Variants in SCIMP observed in about 807,000 individuals in gnomAD.
The protein encoded by SCIMP is SLP adaptor and CSK interacting membrane protein.
In SCIMP, 18 loss-of-function variants were observed where a neutral mutation model predicts 22.0. That is an observed-to-expected ratio of 0.82 (90% CI 0.56 to 1.21). The LOEUF is 1.21. SCIMP is among the 50% of genes most tolerant of loss of function. SCIMP has a pLI of 0.00. For synonymous variants in SCIMP, 53 were observed against 62.2 expected, an observed-to-expected ratio of 0.85 and a Z score of 0.70; for missense variants, 155 against 171.2, an observed-to-expected ratio of 0.91 and a Z score of 0.53.
chr17:5,221,372 C>A, intron 2 of SCIMP, 22 bp from the exon 3 acceptor site: 1 of 1,590,830 alleles, frequency 6.3e-7, no homozygotes, highest in Non-Finnish European at 8.6e-7. Context: ...AAAGCATGTT[C>A]ATTGAAGAAG....
intron 3 of SCIMP, 77 bp downstream of exon 3, chr17:5,221,210 C>T (rs747208413): frequency 1.7e-5 from 17 of 1,023,572 alleles, no homozygotes; most frequent in African/African-American, 6.3e-5. Context: ...CATACTGGTA[C>T]GGTAGTGGAG....
chr17:5,219,138 C>T (rs945716597), intron 3 of SCIMP, among the ~76,000 whole-genome samples: 6 of 150,342 alleles, frequency 4.0e-5, no homozygotes, highest in African/African-American at 1.2e-4. Context: ...GCCAACATAG[C>T]GAAACCCCGT....
At chr17:5,221,070 AAG>A (rs746732086) in intron 3 of SCIMP, 161 of 635,370 alleles carry the variant, frequency 2.5e-4, no homozygotes, top group East Asian at 1.0e-3. Flanking sequence ...AAAAAAAAAA[AAG>A]AGAGAGAGAG....
intron 2 of SCIMP, among the ~76,000 whole-genome samples, chr17:5,222,872 C>T (rs1429856403): frequency 6.6e-6 from 1 of 151,968 alleles, no homozygotes; most frequent in Non-Finnish European, 1.5e-5. Flanking sequence ...GCCATTTTGG[C>T]CAGGCTAGTC....
At chr17:5,226,770 A>C (rs547183114) in intron 1 of SCIMP, among the ~76,000 whole-genome samples, 1 of 152,026 alleles carries the variant, frequency 6.6e-6, no homozygotes, top group African/African-American at 2.4e-5. Context: ...CAGCCTCCCA[A>C]AGTGCTGGGA....
In SCIMP at chr17:5,211,283, A is replaced by T. The variant is rs541985632; in HGVS notation, c.284-328T>A. On this transcript the variant is annotated intron_variant, in intron 4 of 4. Transcript: ENST00000574081. ...ACACCTGTAGTCCCAGTACTCTGGG[A>T]GGCCCAGGTGGGAGGATCACTTGAG... is the stretch of plus-strand genomic sequence containing the variant. Among the ~76,000 whole-genome samples, 8 of 152,314 alleles carry T rather than the reference A, an allele frequency of 5.3e-5. No individual in the cohort carries two copies. In the South Asian group the frequency reaches 1.7e-3, roughly 32 times the overall value.
Position 5,223,336 on chromosome 17 carries a change from G to A in SCIMP, c.142C>T (p.Arg48Ter), listed in dbSNP as rs771928005. 8.1e-6 allele frequency: 13 copies of A among 1,613,532 alleles called. No individual in the cohort carries two copies. The highest frequency in any genetic ancestry group is 6.7e-5 in the Admixed American group (4 of 59,830). Residue 48 changes from arginine to a stop codon, truncating the protein, a stop_gained, in exon 2 of 5, where the codon CGA (arginine) becomes TGA (stop). Transcript: ENST00000574081. LOFTEE classifies it high-confidence loss of function. Reference protein sequence around the residue: ...LYCVCKWQLRRGKKWEIAKPL... With the variant: ...LYCVCKWQLR Reference sequence around the variant, plus strand: ...GCCTAGGTAAAATGGCCATTACCTCGTCTAAGCTGCCACTTACAGACACAG... The same window carrying A: ...GCCTAGGTAAAATGGCCATTACCTCATCTAAGCTGCCACTTACAGACACAG...
Position 5,210,651 on chromosome 17 carries a change from G to A in SCIMP, c.*150C>T. 5 of 1,038,748 alleles carry A rather than the reference G, an allele frequency of 4.8e-6. No homozygotes were observed. The highest frequency in any genetic ancestry group is 6.8e-6 in the Non-Finnish European group (5 of 735,294). The allele number at this position is 1,038,748 out of a possible 1,614,324, so 64.3% of individuals were successfully genotyped here. A position where few individuals can be genotyped will look rare whatever the true frequency, so the allele number is the denominator to read the frequency against. On this transcript the variant is annotated 3_prime_UTR_variant, in exon 5 of 5. Transcript: ENST00000574081. ...GATCGCAGGGGTGTCTTCATCTAAGGTTTGGGAAGTGCTTTATCTTATAGA... is the reference window on the plus strand; with the variant it reads ...GATCGCAGGGGTGTCTTCATCTAAGATTTGGGAAGTGCTTTATCTTATAGA...
At chr17:5,222,861 C>T (rs561940130) in intron 2 of SCIMP, among the ~76,000 whole-genome samples, 42 of 152,128 alleles carry the variant, frequency 2.8e-4, no homozygotes, top group African/African-American at 8.7e-4. Flanking sequence ...GACGGGGTTT[C>T]GCCATTTTGG....
At position 5,232,378 on chromosome 17, in the gene SCIMP, A is replaced by ATAAACAGTGCAGTGTAAACAGTGCAGTG. The variant is rs76708943; in HGVS notation, c.21+2356_21+2357insCACTGCACTGTTTACACTGCACTGTTTA. ...AACAGTGCAGTGTAAACAGTGCAGT[A>ATAAACAGTGCAGTGTAAACAGTGCAGTG]TAAACAGTGCAGTATAAACAGTATA... On this transcript the variant is annotated intron_variant, in intron 1 of 4. Coordinates refer to ENST00000574081, the MANE Select transcript of SCIMP (RefSeq NM_207103.3). Among the ~76,000 whole-genome samples the ATAAACAGTGCAGTGTAAACAGTGCAGTG allele has an allele frequency of 6.3e-4, 88 of 138,624 alleles. 1 individual carries two copies. The highest frequency in any genetic ancestry group is 1.0e-3 in the East Asian group (4 of 3,842). 90.9% of individuals were successfully genotyped at this position (138,624 alleles called of 152,430 possible).
chr17:5,217,103 C>T (rs961051984), intron 3 of SCIMP, among the ~76,000 whole-genome samples: 6 of 152,102 alleles, frequency 3.9e-5, no homozygotes, highest in South Asian at 4.1e-4. Flanking sequence ...TGTAGCTCTT[C>T]CTAAGAGAAG....
chr17:5,231,640 C>T (rs7215152), intron 1 of SCIMP, among the ~76,000 whole-genome samples: 9,969 of 152,264 alleles, frequency 0.065, 376 homozygotes, highest in East Asian at 0.16. Context: ...ACACCTTAGG[C>T]CACCTGCTTC....
chr17:5,228,447 C>T (rs2074668551), intron 1 of SCIMP, among the ~76,000 whole-genome samples: 1 of 151,816 alleles, frequency 6.6e-6, no homozygotes, highest in Admixed American at 6.6e-5. Flanking sequence ...AGTTAGCAAC[C>T]AGCCTGGGCA....
rs932861533 is a variant in SCIMP, at chr17:5,234,519, G to A, written c.21+216C>T. The A allele has an allele frequency of 1.0e-5, 6 of 594,154 alleles. No homozygotes were observed. The African/African-American group carries it at 1.1e-4, about 11-fold the overall frequency. The allele number at this position is 594,154 out of a possible 1,614,324, so 36.8% of individuals were successfully genotyped here. The stretch of plus-strand genomic sequence containing the variant: ...AGGAAAAGGCCCAGAGAGGTGAAGT[G>A]ATGCCTCAGGTCACTCAGCCAGTTA... On this transcript the variant is annotated intron_variant, in intron 1 of 4. Transcript: ENST00000574081.
rs1252406878 is a variant in SCIMP at position 5,209,469 on chromosome 17, C to T, written c.*1332G>A. The T allele has an allele frequency of 3.9e-5, 6 of 152,216 alleles. No homozygotes were observed. The highest frequency in any genetic ancestry group is 8.8e-5 in the Non-Finnish European group (6 of 68,074). The allele number at this position is 152,216 out of a possible 1,614,324, so 9.4% of individuals were successfully genotyped here. A position where few individuals can be genotyped will look rare whatever the true frequency, so the allele number is the denominator to read the frequency against. On this transcript the variant is annotated 3_prime_UTR_variant, in exon 5 of 5. Transcript: ENST00000574081. ...GAACCAGGGAGGAAGCCCAGGTCCCCAGTGCTCCAGCGTTGATTGAGGGAG... is the reference window on the plus strand; with the variant it reads ...GAACCAGGGAGGAAGCCCAGGTCCCTAGTGCTCCAGCGTTGATTGAGGGAG...
intron 3 of SCIMP, among the ~76,000 whole-genome samples, chr17:5,220,150 A>G (rs959540407): frequency 1.3e-5 from 2 of 152,164 alleles, no homozygotes; most frequent in Non-Finnish European, 2.9e-5. Flanking sequence ...ACAAAACACA[A>G]AAGTAAAGTG....
chr17:5,229,836 C>T (rs1397864931), intron 1 of SCIMP, among the ~76,000 whole-genome samples: 1 of 149,410 alleles, frequency 6.7e-6, no homozygotes. Flanking sequence ...CTCCCCTTCC[C>T]CCATCTCCTT....
Position 5,213,465 on chromosome 17 carries a change from G to C in SCIMP, c.283+1460C>G, listed in dbSNP as rs984374073. ...TTGCCCAGGCTGTTCTCAGACTCCT[G>C]AGCTCAAGTCATCAGCCCGCCCTGG... is the stretch of plus-strand genomic sequence containing the variant. On this transcript the variant is annotated intron_variant, in intron 4 of 4. Coordinates refer to ENST00000574081, the MANE Select transcript of SCIMP (RefSeq NM_207103.3). The C allele has an allele frequency of 2.0e-4, 31 of 155,792 alleles. 1 individual carries two copies. The highest frequency in any genetic ancestry group is 1.7e-3 in the Admixed American group (26 of 15,266). The allele number at this position is 155,792 out of a possible 1,614,324, so 9.7% of individuals were successfully genotyped here.
At chr17:5,232,185 C>CT (rs1447698871) in intron 1 of SCIMP, among the ~76,000 whole-genome samples, 1 of 152,226 alleles carries the variant, frequency 6.6e-6, no homozygotes, top group Admixed American at 6.5e-5. Flanking sequence ...AAGACATTTT[C>CT]AGAGCAGCGC....
Sources: allele counts gnomAD v4.1 joint callset (sites outside exome capture counted in the v4.1 genomes callset), GRCh38; gene constraint gnomAD v4.1.1; transcripts MANE v1.5; gene names NCBI Gene and HGNC (gene_info 2026-07-23, HGNC 2026-07-21).